The following ZFAND3 variants were observed in gnomAD, a reference collection of about 807,000 sequenced individuals.
The protein encoded by ZFAND3 is AN1-type zinc finger protein 3.
In ZFAND3, 10 loss-of-function variants were observed where a neutral mutation model predicts 29.6. The ratio of observed to expected loss-of-function variants is 0.34; its 90% CI spans 0.21 to 0.57. The LOEUF is 0.57. ZFAND3 is among the 20% of genes least tolerant of loss of function. The probability of loss-of-function intolerance (pLI) is 0.86; values close to 1 mark genes in which losing one functional copy is unlikely to be tolerated. For missense variants in ZFAND3, 230 were observed against 304.5 expected (o/e 0.76, Z 1.82); for synonymous variants, 128 against 112.6 (o/e 1.14, Z -0.87).
chr6:37,918,108 G>A (rs567371507), intron 1 of ZFAND3, among the ~76,000 whole-genome samples: 3 of 151,878 alleles, frequency 2.0e-5, no homozygotes, highest in Non-Finnish European at 4.4e-5. Flanking sequence ...ATGGAGTCTC[G>A]CTCTGTTGCC....
intron 1 of ZFAND3, among the ~76,000 whole-genome samples, chr6:37,874,673 A>G (rs1047498126): frequency 3.9e-5 from 6 of 152,126 alleles, no homozygotes; most frequent in Non-Finnish European, 7.4e-5. Context: ...GGTCTCCAAC[A>G]TATCTTGTTT....
At chr6:38,142,380 C>T (rs1765976454) in intron 5 of ZFAND3, 1 of 470,904 alleles carries the variant, frequency 2.1e-6, no homozygotes, top group Non-Finnish European at 4.4e-6. Context: ...TTCAGGGAGG[C>T]TAAACAGGCC....
At chr6:37,985,527 ACC>A (rs57029796) in intron 2 of ZFAND3, among the ~76,000 whole-genome samples, 20 of 141,652 alleles carry the variant, frequency 1.4e-4, no homozygotes, top group Admixed American at 2.8e-4. Flanking sequence ...ACACACACAC[ACC>A]CCCACACACG....
chr6:38,061,773 AG>A lies in ZFAND3; in HGVS notation c.294del (p.Glu98AspfsTer13). The A allele has an allele frequency of 6.2e-7, 1 of 1,613,980 alleles. No homozygotes were observed. The highest frequency in any genetic ancestry group is 8.5e-7 in the Non-Finnish European group (1 of 1,179,944). Reference sequence around the variant, plus strand: ...AATGTAACTTCACCGAGTAAAGAGGAGTGTAAGTGTCTGGCTTCTGAGGGGT... The same window carrying A: ...AATGTAACTTCACCGAGTAAAGAGGATGTAAGTGTCTGGCTTCTGAGGGGT... ...ELNVTSPSKE[E>X]CGPCTDTAHV... On this transcript the variant is annotated frameshift_variant and splice_region_variant, in exon 3 of 6. Transcript: ENST00000287218. LOFTEE classifies it high-confidence loss of function.
At chr6:38,061,873 T>C (rs1764247802) in intron 3 of ZFAND3, 98 bp downstream of exon 3, 1 of 1,397,294 alleles carries the variant, frequency 7.2e-7, no homozygotes. Flanking sequence ...CAGCACTTCT[T>C]TTAATTCAAG....
intron 1 of ZFAND3, among the ~76,000 whole-genome samples, chr6:37,925,341 A>G (rs1761463689): frequency 6.6e-6 from 1 of 152,192 alleles, no homozygotes; most frequent in Non-Finnish European, 1.5e-5. Context: ...TTTGAGATCT[A>G]TTTGTAAGTA....
At chr6:37,986,289 T>A (rs577896685) in intron 2 of ZFAND3, among the ~76,000 whole-genome samples, 2 of 152,342 alleles carry the variant, frequency 1.3e-5, no homozygotes, top group South Asian at 4.1e-4. Flanking sequence ...CTTTACTCAC[T>A]TACATTACCT....
intron 5 of ZFAND3, among the ~76,000 whole-genome samples, chr6:38,123,472 T>TGG (rs1765572333): frequency 6.6e-6 from 1 of 152,244 alleles, no homozygotes; most frequent in Non-Finnish European, 1.5e-5. Context: ...AAAGCCTTAT[T>TGG]CTGTTCACAG....
chr6:37,978,017 C>T (rs901396165), intron 2 of ZFAND3, among the ~76,000 whole-genome samples: 2 of 151,656 alleles, frequency 1.3e-5, no homozygotes, highest in Admixed American at 6.6e-5. Context: ...ACTGCAACTT[C>T]CGCCTCCTGA....
chr6:37,905,934 T>A (rs1256238719), intron 1 of ZFAND3, among the ~76,000 whole-genome samples: 1 of 152,182 alleles, frequency 6.6e-6, no homozygotes, highest in African/African-American at 2.4e-5. Flanking sequence ...TAATATGATC[T>A]ATGGTATACA....
chr6:38,081,932 G>GC (rs944390603), intron 3 of ZFAND3, among the ~76,000 whole-genome samples: 10 of 151,924 alleles, frequency 6.6e-5, no homozygotes, highest in Middle Eastern at 3.4e-3. Flanking sequence ...GTTTCTTAAG[G>GC]CCCCCTCCCC....
intron 1 of ZFAND3, among the ~76,000 whole-genome samples, chr6:37,865,206 AT>A (rs1295249848): frequency 9.9e-5 from 15 of 152,174 alleles, no homozygotes; most frequent in African/African-American, 3.6e-4. Context: ...AAACTTTAGT[AT>A]TTCCATAAAC....
intron 1 of ZFAND3, among the ~76,000 whole-genome samples, chr6:37,831,119 C>G (rs1763852691): frequency 6.6e-6 from 1 of 152,162 alleles, no homozygotes; most frequent in Non-Finnish European, 1.5e-5. Flanking sequence ...CTCTGTGTCT[C>G]TTTATCTTTA....
chr6:37,984,743 C>T (rs887439510), intron 2 of ZFAND3, among the ~76,000 whole-genome samples: 2 of 152,172 alleles, frequency 1.3e-5, no homozygotes, highest in Non-Finnish European at 2.9e-5. Context: ...GTGAGCTACT[C>T]GTCTAGAGGC....
chr6:38,149,420 A>AC (rs1209043770), intron 5 of ZFAND3, among the ~76,000 whole-genome samples: 1 of 151,826 alleles, frequency 6.6e-6, no homozygotes, highest in African/African-American at 2.4e-5. Context: ...CAAAAAAAAA[A>AC]AAAAAAAAAC....
chr6:38,084,601 A>T (rs182574338), intron 4 of ZFAND3, among the ~76,000 whole-genome samples: 99 of 152,314 alleles, frequency 6.5e-4, no homozygotes, highest in Admixed American at 1.4e-3. Context: ...TTATTAACTG[A>T]TTTTATATTG....
chr6:38,081,159 C>CTT (rs200659624), intron 3 of ZFAND3, among the ~76,000 whole-genome samples: 16 of 143,956 alleles, frequency 1.1e-4, no homozygotes, highest in African/African-American at 3.3e-4. Context: ...GAAGTTTTTT[C>CTT]TTTTTTTTTT....
chr6:38,055,078 G>A (rs1764108181), intron 2 of ZFAND3, among the ~76,000 whole-genome samples: 1 of 152,162 alleles, frequency 6.6e-6, no homozygotes, highest in South Asian at 2.1e-4. Flanking sequence ...ACCCTGTTCT[G>A]TTAAAGGAGA....
chr6:38,153,081 G>A lies in ZFAND3; in HGVS notation c.*692G>A, dbSNP rs1351758399. ...CTCCACTCAAGACTAGTCCACGAAC[G>A]AGACCCGCCTTTTCTACACAGGATC... On this transcript the variant is annotated 3_prime_UTR_variant, in exon 6 of 6. Transcript: ENST00000287218. 2 of 985,422 alleles carry A rather than the reference G, an allele frequency of 2.0e-6. No individual in the cohort carries two copies. Among genetic ancestry groups the A allele is most frequent in the Non-Finnish European group, 2.4e-6 (2 of 829,944 alleles). 61.0% of individuals were successfully genotyped at this position (985,422 alleles called of 1,614,324 possible).
Sources: gnomAD v4.1 joint callset for allele counts (sites outside exome capture counted in the v4.1 genomes callset) on GRCh38, gnomAD v4.1.1 for gene constraint, MANE v1.5 for transcripts, NCBI Gene and HGNC (gene_info 2026-07-23, HGNC 2026-07-21) for gene names.